Variants in CDH18 observed in about 807,000 individuals in gnomAD.
CDH18 encodes cadherin 18.
A neutral mutation model predicts 67.9 loss-of-function variants in CDH18; 31 were observed. That is an observed-to-expected ratio of 0.46 (90% CI 0.34 to 0.62). CDH18 has a LOEUF of 0.62. Ranked by LOEUF, CDH18 falls within the 20% of genes least tolerant of loss-of-function variation. CDH18 has a pLI of 0.01. For missense variants in CDH18, 890 were observed against 975.5 expected (o/e 0.91, Z 1.17); for synonymous variants, 362 against 347.2 (o/e 1.04, Z -0.48).
At chr5:19,831,380 A>G (rs1420291747) in intron 3 of CDH18, among the ~76,000 whole-genome samples, 1 of 152,010 alleles carries the variant, frequency 6.6e-6, no homozygotes, top group Non-Finnish European at 1.5e-5. Flanking sequence ...CTACAAAGGT[A>G]TAATATCTAG....
chr5:19,914,185 A>C (rs1420709979), intron 2 of CDH18, among the ~76,000 whole-genome samples: 1 of 152,106 alleles, frequency 6.6e-6, no homozygotes, highest in Non-Finnish European at 1.5e-5. Context: ...GTTTGATACA[A>C]AATTTAATAG....
At chr5:20,244,174 A>AT (rs1267297405) in intron 2 of CDH18, among the ~76,000 whole-genome samples, 1 of 82,324 alleles carries the variant, frequency 1.2e-5, no homozygotes, top group Non-Finnish European at 2.3e-5. Flanking sequence ...AAATGATTTT[A>AT]TAACAACCTC....
chr5:20,372,310 G>T (rs938643152), intron 1 of CDH18, among the ~76,000 whole-genome samples: 1 of 152,032 alleles, frequency 6.6e-6, no homozygotes, highest in African/African-American at 2.4e-5. Context: ...AATTAGGATA[G>T]ATATCATCTC....
intron 2 of CDH18, among the ~76,000 whole-genome samples, chr5:20,130,054 G>A (rs1305693720): frequency 1.3e-5 from 1 of 78,016 alleles, no homozygotes; most frequent in Non-Finnish European, 2.8e-5. Context: ...TAGATTTAGT[G>A]GCAATATTAT....
In CDH18 at chr5:19,576,033, TA is replaced by T. The variant is rs1742254039; in HGVS notation, c.1000-4202del. Among the ~76,000 whole-genome samples the T allele has an allele frequency of 3.9e-5, 6 of 152,044 alleles. No homozygotes were observed. The South Asian group carries it at 1.2e-3, about 32-fold the overall frequency. On this transcript the variant is annotated intron_variant, in intron 7 of 12. Coordinates refer to ENST00000382275, the MANE Select transcript of CDH18 (RefSeq NM_004934.5). ...TTGGGTACTTTATGCAAAGTACCCG[TA>T]GGGGCAGTGGCAAGCAGAGCTACAG...
At chr5:20,041,731 T>G (rs1740434494) in intron 2 of CDH18, among the ~76,000 whole-genome samples, 1 of 152,192 alleles carries the variant, frequency 6.6e-6, no homozygotes, top group Non-Finnish European at 1.5e-5. Flanking sequence ...ACAGCAAATA[T>G]TTCTTAACTG....
At chr5:20,336,240 T>G (rs937989003) in intron 1 of CDH18, among the ~76,000 whole-genome samples, 3 of 151,984 alleles carry the variant, frequency 2.0e-5, no homozygotes, top group Admixed American at 2.0e-4. Flanking sequence ...CATCTCCCCT[T>G]TTCCCCCAAC....
intron 2 of CDH18, among the ~76,000 whole-genome samples, chr5:20,073,515 G>C (rs1743663308): frequency 6.6e-6 from 1 of 152,018 alleles, no homozygotes; most frequent in African/African-American, 2.4e-5. Context: ...ATTGTGCTTA[G>C]TAATGGGATG....
intron 2 of CDH18, among the ~76,000 whole-genome samples, chr5:19,858,577 T>C (rs1001938201): frequency 2.0e-4 from 31 of 152,212 alleles, no homozygotes; most frequent in Admixed American, 2.0e-3. Context: ...TTATCAGAAC[T>C]AAGCAGATTT....
chr5:20,382,434 T>C (rs972890632), intron 1 of CDH18, among the ~76,000 whole-genome samples: 1 of 152,116 alleles, frequency 6.6e-6, no homozygotes, highest in South Asian at 2.1e-4. Flanking sequence ...TCCTGGATAG[T>C]AACTGGCTAA....
At chr5:20,213,200 A>T (rs190751627) in intron 2 of CDH18, among the ~76,000 whole-genome samples, 1 of 152,290 alleles carries the variant, frequency 6.6e-6, no homozygotes, top group East Asian at 1.9e-4. Flanking sequence ...CTCAGAGAAT[A>T]GGGAGGCCTA....
At chr5:20,478,105 G>T (rs1752557969) in intron 1 of CDH18, among the ~76,000 whole-genome samples, 1 of 152,190 alleles carries the variant, frequency 6.6e-6, no homozygotes, top group Non-Finnish European at 1.5e-5. Flanking sequence ...GTGGTATCTA[G>T]GCAGTTCTCA....
Position 19,555,727 on chromosome 5 carries a change from G to A in CDH18, c.1254-11722C>T, listed in dbSNP as rs78545779. On this transcript the variant is annotated intron_variant, in intron 8 of 12. Coordinates refer to ENST00000382275, the MANE Select transcript of CDH18 (RefSeq NM_004934.5). ...CAAAGTACATAATCTCTTGGGAGCC[G>A]TATGGCTCTGTTGACTGCCTGATCC... is the stretch of plus-strand genomic sequence containing the variant. Among the ~76,000 whole-genome samples the A allele has an allele frequency of 6.3e-3, 953 of 152,240 alleles. 4 individuals are homozygous for A. Among genetic ancestry groups the A allele is most frequent in the Non-Finnish European group, 9.1e-3 (621 of 68,014 alleles).
intron 2 of CDH18, among the ~76,000 whole-genome samples, chr5:19,896,775 A>G (rs1789389397): frequency 6.6e-6 from 1 of 152,238 alleles, no homozygotes; most frequent in African/African-American, 2.4e-5. Context: ...AATTAAGGAC[A>G]TCTGAGTTAG....
chr5:20,405,597 T>C (rs980884804), intron 1 of CDH18, among the ~76,000 whole-genome samples: 5 of 152,156 alleles, frequency 3.3e-5, no homozygotes, highest in South Asian at 4.1e-4. Flanking sequence ...GGGATCTAAG[T>C]AAACTAAAGA....
chr5:19,935,854 T>G (rs777747513), intron 2 of CDH18, among the ~76,000 whole-genome samples: 15 of 149,962 alleles, frequency 1.0e-4, no homozygotes, highest in Admixed American at 3.3e-4. Context: ...CAATGTCTTC[T>G]CAATGCTCAT....
chr5:20,491,207 A>T (rs1277905723), intron 1 of CDH18, among the ~76,000 whole-genome samples: 3 of 150,912 alleles, frequency 2.0e-5, no homozygotes, highest in African/African-American at 7.3e-5. Flanking sequence ...TATTATTATT[A>T]TTATTATTAT....
intron 11 of CDH18, among the ~76,000 whole-genome samples, chr5:19,498,131 T>C (rs1943326996): frequency 6.6e-6 from 1 of 152,146 alleles, no homozygotes. Flanking sequence ...GGATCTTTGA[T>C]AATAAATTGT....
intron 1 of CDH18, among the ~76,000 whole-genome samples, chr5:20,517,564 T>C (rs1040247630): frequency 6.6e-6 from 1 of 152,012 alleles, no homozygotes; most frequent in Non-Finnish European, 1.5e-5. Context: ...TTTAAATAAA[T>C]GATGGTTCCC....
Sources: allele counts gnomAD v4.1 joint callset (sites outside exome capture counted in the v4.1 genomes callset), GRCh38; gene constraint gnomAD v4.1.1; transcripts MANE v1.5; gene names NCBI Gene and HGNC (gene_info 2026-07-23, HGNC 2026-07-21).